Variants in MFSD2A observed in about 807,000 individuals in gnomAD.
The protein encoded by MFSD2A is MFSD2 lysolipid transporter A, lysophospholipid.
MFSD2A carries 27 observed loss-of-function variants against 64.7 expected under a neutral mutation model. That is an observed-to-expected ratio of 0.42 (90% CI 0.31 to 0.58). The LOEUF is 0.58. Ranked by LOEUF, MFSD2A falls within the 20% of genes least tolerant of loss-of-function variation. MFSD2A has a pLI of 0.18. For missense variants in MFSD2A, 474 were observed against 679.5 expected (o/e 0.70, Z 3.36); for synonymous variants, 258 against 273.4 (o/e 0.94, Z 0.55).
In MFSD2A at chr1:39,968,752, G is replaced by A; in HGVS notation, c.1529+7G>A. 6.2e-7 allele frequency: 1 copy of A among 1,613,922 alleles called. No individual in the cohort carries two copies. Among genetic ancestry groups the A allele is most frequent in the Non-Finnish European group, 8.5e-7 (1 of 1,179,970 alleles). ...AGGCCCTGCAGGCACTGAGGTGAGTGGGGAGGGGACAGGATGCTGGAGGAG... is the reference window on the plus strand; with the variant it reads ...AGGCCCTGCAGGCACTGAGGTGAGTAGGGAGGGGACAGGATGCTGGAGGAG... On this transcript the variant is annotated splice_region_variant and intron_variant, in intron 13 of 13. Coordinates refer to ENST00000372811, the MANE Select transcript of MFSD2A (RefSeq NM_032793.5). The surrounding 1 kb of genome is among the most constrained non-coding windows in gnomAD (Gnocchi z 4.4).
Position 39,965,817 on chromosome 1 carries a change from C to A in MFSD2A, c.557-40C>A. 6.2e-7 allele frequency: 1 copy of A among 1,609,534 alleles called. No individual in the cohort carries two copies. The highest frequency in any genetic ancestry group is 8.5e-7 in the Non-Finnish European group (1 of 1,177,654). ...TGACCTTCCTCCCTGGGCCCACAAT[C>A]CATGAGGCCCCTCCAAAACACCTCC... On this transcript the variant is annotated intron_variant, in intron 5 of 13. Transcript: ENST00000372811. The surrounding 1 kb of genome is among the most constrained non-coding windows in gnomAD (Gnocchi z 5.5).
intron 6 of MFSD2A, 80 bp from the exon 7 acceptor site, chr1:39,966,521 T>C (rs1645164061): frequency 8.5e-7 from 1 of 1,177,854 alleles, no homozygotes; most frequent in Admixed American, 1.9e-5. Context: ...CCCAAGATCA[T>C]TGAGTGGGGC....
At position 39,960,280 on chromosome 1, in the gene MFSD2A, C is replaced by T. The variant is rs978621484; in HGVS notation, c.353+1455C>T. 4.6e-5 allele frequency among the ~76,000 whole-genome samples: 7 copies of T among 152,222 alleles called. No individual in the cohort carries two copies. Among genetic ancestry groups the T allele is most frequent in the Non-Finnish European group, 8.8e-5 (6 of 68,034 alleles). On this transcript the variant is annotated intron_variant, in intron 3 of 13. Coordinates refer to ENST00000372811, the MANE Select transcript of MFSD2A (RefSeq NM_032793.5). This position sits in a 1 kb window ranked among gnomAD's most constrained non-coding sequence, Gnocchi z 4.8. ...TCCAGCCCATCCAGGCTTAAGTGGG[C>T]GCCTTCCTGCCCCAGGGGCGCCCAT...
At position 39,969,865 on chromosome 1, in the gene MFSD2A, A is replaced by C. The variant is rs921834230; in HGVS notation, c.*297A>C. The C allele has an allele frequency of 4.4e-6, 2 of 453,860 alleles. No individual in the cohort carries two copies. Among genetic ancestry groups the C allele is most frequent in the Non-Finnish European group, 7.8e-6 (2 of 256,376 alleles). 28.1% of individuals were successfully genotyped at this position (453,860 alleles called of 1,614,324 possible). On this transcript the variant is annotated 3_prime_UTR_variant, in exon 14 of 14. Coordinates refer to ENST00000372811, the MANE Select transcript of MFSD2A (RefSeq NM_032793.5). ...ACCTTTTTTTTTACAGAGCCTAATT[A>C]ATAACTTAATGACTGTGTACATAGC...
At position 39,955,252 on chromosome 1, in the gene MFSD2A, C is replaced by T. The variant is rs1447569869; in HGVS notation, c.-41C>T. 3.7e-6 allele frequency: 5 copies of T among 1,360,204 alleles called. No homozygotes were observed. The highest frequency in any genetic ancestry group is 4.8e-6 in the Non-Finnish European group (5 of 1,048,686). 84.3% of individuals were successfully genotyped at this position (1,360,204 alleles called of 1,614,324 possible). A position where few individuals can be genotyped will look rare whatever the true frequency, so the allele number is the denominator to read the frequency against. The stretch of plus-strand genomic sequence containing the variant: ...AGCAGCGGCCTGCGGGGCAGAGGAG[C>T]ATCCCGTCTACCAGGTCCCAAGCGG... On this transcript the variant is annotated 5_prime_UTR_variant, in exon 1 of 14. Transcript: ENST00000372811. The surrounding 1 kb of genome is among the most constrained non-coding windows in gnomAD (Gnocchi z 5.9).
Position 39,958,913 on chromosome 1 carries a change from C to G in MFSD2A, c.353+88C>G. 1 of 1,441,328 alleles carries G rather than the reference C, an allele frequency of 6.9e-7. No individual in the cohort carries two copies. The highest frequency in any genetic ancestry group is 1.4e-5 in the South Asian group (1 of 73,476). 89.3% of individuals were successfully genotyped at this position (1,441,328 alleles called of 1,614,324 possible). ...GTCCTTCTCTCTGTCTTGTCACAGG[C>G]AGAAGGGTGAGGAGAAGGAAGGAGT... On this transcript the variant is annotated intron_variant, in intron 3 of 13. Transcript: ENST00000372811. This position sits in a 1 kb window ranked among gnomAD's most constrained non-coding sequence, Gnocchi z 4.7.
chr1:39,962,495 T>G (rs1645064989), intron 3 of MFSD2A, among the ~76,000 whole-genome samples: 1 of 152,250 alleles, frequency 6.6e-6, no homozygotes, highest in Non-Finnish European at 1.5e-5. Flanking sequence ...ACATAAAATT[T>G]ACCATAACCT....
chr1:39,962,551 CG>C, intron 3 of MFSD2A: 1 of 594,936 alleles, frequency 1.7e-6, no homozygotes, highest in Non-Finnish European at 3.0e-6. Flanking sequence ...CACCAAATGG[CG>C]GATGACACTG....
intron 3 of MFSD2A, chr1:39,962,936 C>A (rs533031584): frequency 2.0e-5 from 32 of 1,563,426 alleles, no homozygotes; most frequent in Non-Finnish European, 2.8e-5. Context: ...TTGTTGCTAT[C>A]GGAGACTACA....
chr1:39,969,605 C>T lies in MFSD2A; in HGVS notation c.*37C>T, dbSNP rs1484972134. The T allele has an allele frequency of 1.9e-6, 3 of 1,592,174 alleles. No homozygotes were observed. The highest frequency in any genetic ancestry group is 2.7e-5 in the African/African-American group (2 of 74,194). On this transcript the variant is annotated 3_prime_UTR_variant, in exon 14 of 14. Coordinates refer to ENST00000372811, the MANE Select transcript of MFSD2A (RefSeq NM_032793.5). Reference sequence around the variant, plus strand: ...TTGCCCGAAGCCACCATGCAGAAGGCCACAGAAGGGATCAGGACCTGTCTG... The same window carrying T: ...TTGCCCGAAGCCACCATGCAGAAGGTCACAGAAGGGATCAGGACCTGTCTG...
rs2124778366 is a variant in MFSD2A, at chr1:39,966,902, T to C, written c.897T>C (p.Thr299=). 6.2e-7 allele frequency: 1 copy of C among 1,613,672 alleles called. No individual in the cohort carries two copies. The highest frequency in any genetic ancestry group is 8.5e-7 in the Non-Finnish European group (1 of 1,180,030). The part of the protein sequence containing the change: ...MSHGPYIKLI[T]GFLFTSLAFM... ...ACGGCCCATACATCAAACTTATTAC[T>C]GGCTTCCTCTTCACCTCCTTGGCTT... Residue 299 remains threonine (T), a synonymous_variant, in exon 8 of 14, where the codon ACT becomes ACC. Transcript: ENST00000372811.
chr1:39,961,698 G>C (rs1645048415), intron 3 of MFSD2A, among the ~76,000 whole-genome samples: 1 of 151,772 alleles, frequency 6.6e-6, no homozygotes, highest in African/African-American at 2.4e-5. Context: ...CATATATAGA[G>C]ATGGGGTCTT....
chr1:39,955,253 A>C lies in MFSD2A; in HGVS notation c.-40A>C, dbSNP rs1644899306. On this transcript the variant is annotated 5_prime_UTR_variant, in exon 1 of 14. Transcript: ENST00000372811. This position sits in a 1 kb window ranked among gnomAD's most constrained non-coding sequence, Gnocchi z 5.9. ...GCAGCGGCCTGCGGGGCAGAGGAGC[A>C]TCCCGTCTACCAGGTCCCAAGCGGC... 5 of 1,367,686 alleles carry C rather than the reference A, an allele frequency of 3.7e-6. No homozygotes were observed. The Admixed American group carries it at 1.0e-4, about 27-fold the overall frequency. 84.7% of individuals were successfully genotyped at this position (1,367,686 alleles called of 1,614,324 possible).
At chr1:39,956,003 C>T (rs546878456) in intron 1 of MFSD2A, among the ~76,000 whole-genome samples, 1 of 152,156 alleles carries the variant, frequency 6.6e-6, no homozygotes. Flanking sequence ...GGATCTCAGG[C>T]AATAGATACC....
At chr1:39,959,548 C>T (rs1411643747) in intron 3 of MFSD2A, among the ~76,000 whole-genome samples, 9 of 152,144 alleles carry the variant, frequency 5.9e-5, no homozygotes, top group South Asian at 2.1e-4. Context: ...CCACCATGCC[C>T]GGCCCCTGTC....
intron 3 of MFSD2A, among the ~76,000 whole-genome samples, chr1:39,961,299 A>C: frequency 7.9e-6 from 1 of 126,020 alleles, no homozygotes; most frequent in African/African-American, 3.1e-5. Flanking sequence ...TCTTCTTGAA[A>C]CCAGGAAGAC....
chr1:39,968,804 A>G lies in MFSD2A; in HGVS notation c.1529+59A>G. ...GGACGTCACTGTGTCTAAACCCTCAATTTGTGTCTCCTGTGGCCAAGTCCA... is the reference window on the plus strand; with the variant it reads ...GGACGTCACTGTGTCTAAACCCTCAGTTTGTGTCTCCTGTGGCCAAGTCCA... On this transcript the variant is annotated intron_variant, in intron 13 of 13. Coordinates refer to ENST00000372811, the MANE Select transcript of MFSD2A (RefSeq NM_032793.5). This position sits in a 1 kb window ranked among gnomAD's most constrained non-coding sequence, Gnocchi z 4.4. 1.3e-6 allele frequency: 2 copies of G among 1,587,246 alleles called. No individual in the cohort carries two copies. Among genetic ancestry groups the G allele is most frequent in the Non-Finnish European group, 1.7e-6 (2 of 1,164,400 alleles).
intron 10 of MFSD2A, 26 bp from the exon 11 acceptor site, chr1:39,967,778 T>A (rs1645195024): frequency 1.2e-6 from 2 of 1,610,066 alleles, no homozygotes; most frequent in African/African-American, 1.3e-5. Context: ...CCCAGCTGAT[T>A]CATCTTCCTG....
chr1:39,968,592 G>C lies in MFSD2A; in HGVS notation c.1376G>C (p.Gly459Ala). The stretch of plus-strand genomic sequence containing the variant: ...AGCTTTGCAGGGTACCAGACCCGTG[G>C]CTGCTCGCAGCCGGAACGTGTCAAG... ...SLDFAGYQTR[G>A]CSQPERVKFT... Residue 459 changes from glycine (G) to alanine (A), a missense_variant, in exon 13 of 14, where the codon GGC becomes GCC. Coordinates refer to ENST00000372811, the MANE Select transcript of MFSD2A (RefSeq NM_032793.5). This position sits in a 1 kb window ranked among gnomAD's most constrained non-coding sequence, Gnocchi z 4.4. 8 of 1,614,196 alleles carry C rather than the reference G, an allele frequency of 5.0e-6. No individual in the cohort carries two copies. Among genetic ancestry groups the C allele is most frequent in the Non-Finnish European group, 6.8e-6 (8 of 1,180,032 alleles).
Sources: gnomAD v4.1 joint callset for allele counts (sites outside exome capture counted in the v4.1 genomes callset) on GRCh38, gnomAD v4.1.1 for gene constraint, Gnocchi (gnomAD v3.1) non-coding constraint, MANE v1.5 for transcripts, NCBI Gene and HGNC (gene_info 2026-07-23, HGNC 2026-07-21) for gene names.